Variants in TRIO observed in about 807,000 individuals in gnomAD.
The protein encoded by TRIO is trio Rho guanine nucleotide exchange factor.
TRIO carries 58 observed loss-of-function variants against 351.9 expected under a neutral mutation model. The observed-to-expected ratio is 0.16, with a 90% CI of 0.13 to 0.21. The LOEUF (loss-of-function observed/expected upper bound fraction) is 0.21. Among genes scored for constraint, TRIO ranks in the 10% least tolerant of loss-of-function variants. The pLI, the probability that TRIO is intolerant of heterozygous loss-of-function variation, is 1.00. For synonymous variants in TRIO, 1,758 were observed against 1,595.7 expected (o/e 1.10, Z -2.42); for missense variants, 3,201 against 4,027.8 (o/e 0.79, Z 5.56).
intron 53 of TRIO, chr5:14,498,890 G>A: frequency 2.4e-6 from 1 of 414,118 alleles, no homozygotes; most frequent in East Asian, 4.6e-5. Flanking sequence ...GAGGAGGATG[G>A]GGGCCTGCCT....
At chr5:14,259,741 G>A (rs1795233431) in intron 1 of TRIO, among the ~76,000 whole-genome samples, 1 of 151,830 alleles carries the variant, frequency 6.6e-6, no homozygotes, top group African/African-American at 2.4e-5. Context: ...ACTGTAGATT[G>A]CATGCTGAAT....
In TRIO at chr5:14,180,100, C is replaced by CAAAAAAA. The variant is rs70964542; in HGVS notation, c.157+36240_157+36246dup. Among the ~76,000 whole-genome samples the CAAAAAAA allele has an allele frequency of 9.5e-3, 262 of 27,682 alleles. 16 individuals are homozygous for CAAAAAAA. The highest frequency in any genetic ancestry group is 0.067 in the Middle Eastern group (2 of 30). The allele number at this position is 27,682 out of a possible 152,430, so 18.2% of individuals were successfully genotyped here. On this transcript the variant is annotated intron_variant, in intron 1 of 56. Transcript: ENST00000344204. ...TGGGTGACAGAGCAGGACTCCTGCT[C>CAAAAAAA]AAAAAAAAAAAAAAAAAAAAAAAAA...
intron 48 of TRIO, chr5:14,488,684 C>T (rs962446125): frequency 2.5e-4 from 140 of 549,954 alleles, no homozygotes; most frequent in Non-Finnish European, 2.0e-4. Context: ...TCTTTTATGC[C>T]TTAAATTATC....
At chr5:14,349,182 TC>T (rs1481000225) in intron 11 of TRIO, among the ~76,000 whole-genome samples, 2 of 151,434 alleles carry the variant, frequency 1.3e-5, no homozygotes, top group Admixed American at 6.6e-5. Flanking sequence ...TGTGTGTTTT[TC>T]CTGTGTGTAT....
intron 1 of TRIO, among the ~76,000 whole-genome samples, chr5:14,244,971 A>T (rs1250129128): frequency 6.6e-6 from 1 of 152,192 alleles, no homozygotes; most frequent in East Asian, 1.9e-4. Context: ...GCCCAGGGGG[A>T]TGCAGCTCCG....
chr5:14,386,851 G>C (rs1325606721), intron 21 of TRIO, among the ~76,000 whole-genome samples: 1 of 152,232 alleles, frequency 6.6e-6, no homozygotes, highest in African/African-American at 2.4e-5. Flanking sequence ...CTATATAGAT[G>C]ATTTCCTGAC....
Position 14,492,742 on chromosome 5 carries a change from A to G in TRIO, c.7808A>G (p.Glu2603Gly). The change falls in exon 49 of 57, where the codon GAG becomes GGG. Residue 2603 changes from glutamate (E) to glycine (G), a missense_variant. Physicochemically the swap from Glu to Gly is moderately conservative, Grantham distance 98 (BLOSUM62 -2). Around this residue, in one of 19 missense-constraint regions of TRIO, gnomAD observed 1,089 missense variants for 954.9 expected, o/e 1.14. Transcript: ENST00000344204. ...GCCACTGACCAGTGCCCCGCAGCTG[A>G]GGGCTGGATTCCAGGCTTTGTCCTG... ...RAATDQCPAA[E>G]GWIPGFVLGH... is the part of the protein sequence containing the mutation. 5 of 1,614,172 alleles carry G rather than the reference A, an allele frequency of 3.1e-6. No individual in the cohort carries two copies. The highest frequency in any genetic ancestry group is 3.4e-6 in the Non-Finnish European group (4 of 1,180,032).
In TRIO at chr5:14,472,322, C is replaced by G. The variant is rs17500808; in HGVS notation, c.5913-270C>G. Among the ~76,000 whole-genome samples, 2,751 of 152,256 alleles carry G rather than the reference C, an allele frequency of 0.018. 37 individuals carry two copies. Among genetic ancestry groups the G allele is most frequent in the Admixed American group, 0.037 (561 of 15,296 alleles). On this transcript the variant is annotated intron_variant, in intron 38 of 56. Transcript: ENST00000344204. The stretch of plus-strand genomic sequence containing the variant: ...AGTTATGTCTAAGCTTCATTGTTGT[C>G]CCTGTATGTGATCAGAATCCAGAAG...
At chr5:14,348,557 TCAG>T (rs889790181) in intron 11 of TRIO, among the ~76,000 whole-genome samples, 2 of 152,144 alleles carry the variant, frequency 1.3e-5, no homozygotes, top group African/African-American at 4.8e-5. Flanking sequence ...TGCACACACA[TCAG>T]CATGTTTTTC....
chr5:14,230,918 C>T (rs1354821555), intron 1 of TRIO, among the ~76,000 whole-genome samples: 1 of 152,154 alleles, frequency 6.6e-6, no homozygotes, highest in Non-Finnish European at 1.5e-5. Context: ...CCCTGCACAT[C>T]TTACTTCTGC....
Position 14,214,053 on chromosome 5 carries a change from A to C in TRIO, c.158-56772A>C, listed in dbSNP as rs551368664. The stretch of plus-strand genomic sequence containing the variant: ...TACAAGTGATCCCCTTGAGAAAGAG[A>C]GCTTCATGCAGTCAGGCAAGCCGCA... On this transcript the variant is annotated intron_variant, in intron 1 of 56. Transcript: ENST00000344204. Among the ~76,000 whole-genome samples, 3 of 152,234 alleles carry C rather than the reference A, an allele frequency of 2.0e-5. No individual in the cohort carries two copies. The East Asian group carries it at 5.8e-4, about 29-fold the overall frequency.
At chr5:14,471,069 A>G (rs1754645129) in intron 37 of TRIO, among the ~76,000 whole-genome samples, 1 of 151,434 alleles carries the variant, frequency 6.6e-6, no homozygotes, top group African/African-American at 2.4e-5. Flanking sequence ...CAAGAAATAG[A>G]ATATATTAAT....
intron 1 of TRIO, among the ~76,000 whole-genome samples, chr5:14,263,364 TA>T (rs1298753911): frequency 6.6e-6 from 1 of 151,836 alleles, no homozygotes; most frequent in Non-Finnish European, 1.5e-5. Flanking sequence ...CCCAGTTCCT[TA>T]TGTAGTAATC....
At chr5:14,242,044 C>T (rs778049457) in intron 1 of TRIO, among the ~76,000 whole-genome samples, 2 of 152,230 alleles carry the variant, frequency 1.3e-5, no homozygotes, top group African/African-American at 4.8e-5. Context: ...TATCAACTCT[C>T]ATCCTTACTA....
chr5:14,443,480 T>C (rs1036350716), intron 34 of TRIO, among the ~76,000 whole-genome samples: 6 of 152,198 alleles, frequency 3.9e-5, no homozygotes, highest in Non-Finnish European at 7.4e-5. Flanking sequence ...CATCACATTT[T>C]AAAAGGAAGA....
At chr5:14,367,117 A>C in intron 16 of TRIO, 138 bp downstream of exon 16, 1 of 1,228,250 alleles carries the variant, frequency 8.1e-7, no homozygotes, top group Non-Finnish European at 1.1e-6. Flanking sequence ...CCAAATTGGC[A>C]ACGCTTCTAA....
chr5:14,420,039 A>G lies in TRIO; in HGVS notation c.5203+18A>G, dbSNP rs1160064239. On this transcript the variant is annotated intron_variant, in intron 34 of 56. Coordinates refer to ENST00000344204, the MANE Select transcript of TRIO (RefSeq NM_007118.4). ...CCACAAAGGTAGGAATCAGTGGGGC[A>G]TGGGTGGCAGACCCCTACTGGAAGT... The G allele has an allele frequency of 6.2e-7, 1 of 1,606,068 alleles. No individual in the cohort carries two copies. The highest frequency in any genetic ancestry group is 1.7e-5 in the Admixed American group (1 of 59,884).
chr5:14,357,364 G>A lies in TRIO; in HGVS notation c.2047-814G>A, dbSNP rs149495669. Among the ~76,000 whole-genome samples, 809 of 152,272 alleles carry A rather than the reference G, an allele frequency of 5.3e-3. 9 individuals are homozygous for A. Among genetic ancestry groups the A allele is most frequent in the African/African-American group, 0.019 (772 of 41,532 alleles). Reference sequence around the variant, plus strand: ...TACAAGCCACCAGGGCCCATTTAATGTAATTAATTGTCTTTTTCAGTTCCG... The same window carrying A: ...TACAAGCCACCAGGGCCCATTTAATATAATTAATTGTCTTTTTCAGTTCCG... On this transcript the variant is annotated intron_variant, in intron 11 of 56. Transcript: ENST00000344204.
intron 34 of TRIO, among the ~76,000 whole-genome samples, chr5:14,445,286 CA>C (rs1752356602): frequency 1.3e-5 from 2 of 152,248 alleles, no homozygotes; most frequent in South Asian, 4.1e-4. Flanking sequence ...TAATTTTTTG[CA>C]ATTCTCATAT....
Sources: allele counts gnomAD v4.1 joint callset (sites outside exome capture counted in the v4.1 genomes callset), GRCh38; gene constraint gnomAD v4.1.1; regional missense constraint gnomAD v4.1.1; transcripts MANE v1.5; gene names NCBI Gene and HGNC (gene_info 2026-07-23, HGNC 2026-07-21).